AKAP7: variants seen among roughly 807,000 people sequenced by gnomAD.
The protein encoded by AKAP7 is A kinase (PRKA) anchor protein 7.
In AKAP7, 39 loss-of-function variants were observed where a neutral mutation model predicts 39.5. That is an observed-to-expected ratio of 0.99 (90% CI 0.76 to 1.29). The LOEUF is 1.29. AKAP7 is among the 50% of genes most tolerant of loss of function. AKAP7 has a pLI of 0.00. For missense variants in AKAP7, 414 were observed against 407.7 expected (o/e 1.02, Z -0.13); for synonymous variants, 140 against 139.1 (o/e 1.01, Z -0.05).
chr6:131,125,717 T>C, the AKAP7 span, among the ~76,000 whole-genome samples: 226 of 152,286 alleles, frequency 1.5e-3, 2 homozygotes, highest in East Asian at 0.036. Flanking sequence ...CTGGTCCTTG[T>C]AACCACACCA....
At chr6:131,177,933 A>C (rs1220528986) in intron 5 of AKAP7, among the ~76,000 whole-genome samples, 1 of 152,194 alleles carries the variant, frequency 6.6e-6, no homozygotes, top group African/African-American at 2.4e-5. Context: ...CATTTCACCC[A>C]ATCCCAAATT....
At position 131,143,009 on chromosome 6, in the gene AKAP7, TG is replaced by T. The variant is rs561191627; in HGVS notation, c.20-2273del. On this transcript the variant is annotated intron_variant, in intron 1 of 7. Transcript: ENST00000431975. ...TCTTTTGGATTTCTCTCTTTTGGAA[TG>T]GGAGTGTTTACACAATACCTGTACC... Among the ~76,000 whole-genome samples the T allele has an allele frequency of 1.2e-3, 185 of 152,318 alleles. 1 individual carries two copies. The highest frequency in any genetic ancestry group is 3.7e-3 in the African/African-American group (155 of 41,578).
chr6:131,263,850 T>A (rs1324116612), intron 7 of AKAP7, among the ~76,000 whole-genome samples: 2 of 152,168 alleles, frequency 1.3e-5, no homozygotes, highest in Non-Finnish European at 2.9e-5. Context: ...GAGTAGCCAC[T>A]CTGATCCTAA....
chr6:131,178,696 G>T (rs1804812605), intron 5 of AKAP7, among the ~76,000 whole-genome samples: 1 of 152,044 alleles, frequency 6.6e-6, no homozygotes. Context: ...AGGCCTCAAG[G>T]TATGCCATTC....
rs1413041046 is a variant in AKAP7, at chr6:131,281,847, T to C, written c.*121T>C. 3.8e-6 allele frequency: 5 copies of C among 1,307,406 alleles called. No individual in the cohort carries two copies. In the Admixed American group the frequency reaches 1.1e-4, roughly 29 times the overall value. 81.0% of individuals were successfully genotyped at this position (1,307,406 alleles called of 1,614,324 possible). ...TTTCTCTGGTGCAATCTGTGAAGATTGCCTAATACTTTTCATGATCGATGT... is the reference window on the plus strand; with the variant it reads ...TTTCTCTGGTGCAATCTGTGAAGATCGCCTAATACTTTTCATGATCGATGT... On this transcript the variant is annotated 3_prime_UTR_variant, in exon 8 of 8. Transcript: ENST00000431975. This position sits in a 1 kb window ranked among gnomAD's most constrained non-coding sequence, Gnocchi z 4.0.
At position 131,135,531 on chromosome 6, in the gene AKAP7, T is replaced by TGCCGCC. The variant is rs1554376130; in HGVS notation, c.-231_-230insCGCCGC. 5.7e-6 allele frequency: 1 copy of TGCCGCC among 176,634 alleles called. No individual in the cohort carries two copies. 10.9% of individuals were successfully genotyped at this position (176,634 alleles called of 1,614,324 possible). On this transcript the variant is annotated 5_prime_UTR_variant, in exon 1 of 8. Coordinates refer to ENST00000431975, the MANE Select transcript of AKAP7 (RefSeq NM_016377.4). ...CGGCTGCTGCGGCTGCCGCCGCCGC[T>TGCCGCC]GCTGCCGCTGCCGCGGGGGCTGCGG... is the stretch of plus-strand genomic sequence containing the variant.
chr6:131,267,853 T>C (rs574462791), intron 7 of AKAP7, among the ~76,000 whole-genome samples: 1 of 152,336 alleles, frequency 6.6e-6, no homozygotes, highest in Non-Finnish European at 1.5e-5. Context: ...GTTCATGATC[T>C]CTTATTTATT....
chr6:131,151,258 G>C (rs1801889461), intron 2 of AKAP7, among the ~76,000 whole-genome samples: 1 of 151,398 alleles, frequency 6.6e-6, no homozygotes, highest in South Asian at 2.1e-4. Flanking sequence ...GGTCAGGCTG[G>C]TTTCAAACTC....
intron 1 of AKAP7, among the ~76,000 whole-genome samples, chr6:131,140,197 A>G (rs1800911363): frequency 6.6e-6 from 1 of 152,172 alleles, no homozygotes. Context: ...TTAAAAAAAT[A>G]CCAGAGGTTG....
At chr6:131,276,043 T>C (rs1164477624) in intron 7 of AKAP7, among the ~76,000 whole-genome samples, 5 of 152,112 alleles carry the variant, frequency 3.3e-5, no homozygotes, top group Non-Finnish European at 7.4e-5. Flanking sequence ...GTAAAAATGA[T>C]GAGGGTGGAG....
chr6:131,279,741 A>ATTATC (rs1227661998), intron 7 of AKAP7, among the ~76,000 whole-genome samples: 1 of 152,176 alleles, frequency 6.6e-6, no homozygotes, highest in Non-Finnish European at 1.5e-5. Flanking sequence ...AGCTGACTAG[A>ATTATC]TTCAGGAACA....
intron 6 of AKAP7, among the ~76,000 whole-genome samples, chr6:131,211,437 T>C (rs1477678741): frequency 6.6e-6 from 1 of 152,068 alleles, no homozygotes; most frequent in East Asian, 1.9e-4. Flanking sequence ...ATCTAATGTT[T>C]ATAGATACAG....
At chr6:131,280,362 G>A (rs1815104605) in intron 7 of AKAP7, among the ~76,000 whole-genome samples, 1 of 152,116 alleles carries the variant, frequency 6.6e-6, no homozygotes. Flanking sequence ...TAGTCTTGAT[G>A]GGTGTTACAT....
rs557990914 is a variant in AKAP7, at chr6:131,264,155, A to G, written c.851-17375A>G. ...GGAAAGCAGCCCTGTGACTGAAAGT[A>G]TGTGTTGATTGTACAAGGAAGGTGA... is the stretch of plus-strand genomic sequence containing the variant. On this transcript the variant is annotated intron_variant, in intron 7 of 7. Coordinates refer to ENST00000431975, the MANE Select transcript of AKAP7 (RefSeq NM_016377.4). 2.0e-5 allele frequency among the ~76,000 whole-genome samples: 3 copies of G among 152,342 alleles called. No homozygotes were observed. The East Asian group carries it at 5.8e-4, about 29-fold the overall frequency.
At chr6:131,161,644 C>CAAAAAAAAAAAAAAAAAAAAAAA (rs55744190) in intron 3 of AKAP7, among the ~76,000 whole-genome samples, 6 of 33,624 alleles carry the variant, frequency 1.8e-4, no homozygotes, top group Admixed American at 6.1e-4. Context: ...GACTGTATCT[C>CAAAAAAAAAAAAAAAAAAAAAAA]AAAAAAAAAA....
chr6:131,134,390 T>A (rs183700030), upstream of AKAP7, among the ~76,000 whole-genome samples: 94 of 152,336 alleles, frequency 6.2e-4, no homozygotes, highest in South Asian at 4.8e-3. Flanking sequence ...CTGAACTGTT[T>A]TAAGCTCAAG....
At chr6:131,157,270 A>G (rs1398114842) in intron 2 of AKAP7, among the ~76,000 whole-genome samples, 1 of 152,220 alleles carries the variant, frequency 6.6e-6, no homozygotes, top group Non-Finnish European at 1.5e-5. Flanking sequence ...TTATTCTAAA[A>G]TTACACAGGG....
At chr6:131,237,759 C>T (rs9402325) in intron 7 of AKAP7, among the ~76,000 whole-genome samples, 146,381 of 152,258 alleles carry the variant, frequency 0.96, 70,431 homozygotes, top group East Asian at 1. Context: ...ATATCCCCTT[C>T]ATCATTTTTT....
chr6:131,136,753 A>G (rs775437618), intron 1 of AKAP7: 4 of 607,156 alleles, frequency 6.6e-6, no homozygotes, highest in Admixed American at 6.3e-5. Context: ...TTTGGATTTT[A>G]CTTTTGTTCC....
Sources: gnomAD v4.1 joint callset for allele counts (sites outside exome capture counted in the v4.1 genomes callset) on GRCh38, gnomAD v4.1.1 for gene constraint, Gnocchi (gnomAD v3.1) non-coding constraint, MANE v1.5 for transcripts, NCBI Gene and HGNC (gene_info 2026-07-23, HGNC 2026-07-21) for gene names.